Variants in SENP8 observed in about 807,000 individuals in gnomAD.
SENP8 encodes sentrin-specific protease 8.
Under a neutral mutation model 14.4 loss-of-function variants are expected in SENP8, and 10 were observed. The ratio of observed to expected loss-of-function variants is 0.69; its 90% CI spans 0.43 to 1.18. SENP8 has a LOEUF of 1.18. SENP8 is among the 50% of genes most tolerant of loss of function. The pLI, the probability that SENP8 is intolerant of heterozygous loss-of-function variation, is 0.00. For synonymous variants in SENP8, 94 were observed against 95.5 expected (o/e 0.98, Z 0.09); for missense variants, 202 against 249.4 (o/e 0.81, Z 1.28).
intron 1 of SENP8, among the ~76,000 whole-genome samples, chr15:72,122,732 G>A (rs1410563366): frequency 1.3e-5 from 2 of 152,184 alleles, no homozygotes; most frequent in Non-Finnish European, 2.9e-5. Flanking sequence ...CCTTTTGCGG[G>A]AGGAGGAGGA....
chr15:72,119,724 G>A (rs977798827), intron 1 of SENP8, among the ~76,000 whole-genome samples: 2 of 152,136 alleles, frequency 1.3e-5, no homozygotes, highest in Non-Finnish European at 2.9e-5. Context: ...CTCCAGCCTG[G>A]GTGACAGAGC....
At chr15:72,129,200 G>T (rs1243445639) in intron 1 of SENP8, among the ~76,000 whole-genome samples, 1 of 152,146 alleles carries the variant, frequency 6.6e-6, no homozygotes, top group Non-Finnish European at 1.5e-5. Flanking sequence ...AATATCCATT[G>T]TAAATTAGTA....
intron 1 of SENP8, chr15:72,139,181 T>G (rs2081356204): frequency 6.3e-6 from 1 of 158,724 alleles, no homozygotes; most frequent in Non-Finnish European, 1.4e-5. Context: ...ACCAATAACA[T>G]AGCCTTACCA....
upstream of SENP8, chr15:72,117,837 G>T: frequency 2.5e-6 from 1 of 398,630 alleles, no homozygotes; most frequent in East Asian, 3.6e-5. Flanking sequence ...CTCAGGGTCC[G>T]GGCGAGCGGC....
At chr15:72,125,402 T>A (rs1480488043) in intron 1 of SENP8, among the ~76,000 whole-genome samples, 2 of 152,206 alleles carry the variant, frequency 1.3e-5, no homozygotes, top group Admixed American at 1.3e-4. Flanking sequence ...TCTTTTCATG[T>A]GTTTATTGAC....
At chr15:72,121,757 A>G (rs1251504204) in intron 1 of SENP8, among the ~76,000 whole-genome samples, 1 of 152,174 alleles carries the variant, frequency 6.6e-6, no homozygotes, top group African/African-American at 2.4e-5. Flanking sequence ...AGAGTCTGCT[A>G]AATTCCTTTA....
chr15:72,117,048 G>A (rs1019562642), upstream of SENP8: 1 of 152,272 alleles, frequency 6.6e-6, no homozygotes, highest in Non-Finnish European at 1.5e-5. Context: ...CGCGACTAAG[G>A]AGAAAGATAA....
intron 1 of SENP8, among the ~76,000 whole-genome samples, chr15:72,128,094 G>T (rs1010693083): frequency 4.8e-4 from 72 of 150,070 alleles, no homozygotes; most frequent in African/African-American, 1.8e-3. Flanking sequence ...CGTTTTCAAA[G>T]AAAGAGAGAG....
chr15:72,126,474 A>C (rs570214232), intron 1 of SENP8, among the ~76,000 whole-genome samples: 180 of 151,820 alleles, frequency 1.2e-3, no homozygotes, highest in Non-Finnish European at 1.5e-3. Context: ...AACTACAAAA[A>C]ATTAGCCAGG....
chr15:72,118,796 G>T (rs937634931), intron 1 of SENP8, among the ~76,000 whole-genome samples: 3 of 152,186 alleles, frequency 2.0e-5, no homozygotes, highest in African/African-American at 7.2e-5. Context: ...CGCAGTGGTA[G>T]TACAATAAAG....
Position 72,124,407 on chromosome 15 carries a change from C to T in SENP8, c.-48+5943C>T, listed in dbSNP as rs189293476. On this transcript the variant is annotated intron_variant, in intron 1 of 1. Coordinates refer to ENST00000340912, the MANE Select transcript of SENP8 (RefSeq NM_145204.4). ...GCTTAGGCTTAGTTTTAAAAGGAAA[C>T]GTTTTAATTGGGGGGAAATTGAAAC... Among the ~76,000 whole-genome samples, 125 of 152,014 alleles carry T rather than the reference C, an allele frequency of 8.2e-4. 1 individual carries two copies. The highest frequency in any genetic ancestry group is 3.9e-4 in the East Asian group (2 of 5,178).
chr15:72,140,508 T>C lies in SENP8; in HGVS notation c.*246T>C. ...CACCAAAACCTTACAACCAACTTAT[T>C]TGAACATTTATTACACACAGGGTTT... is the stretch of plus-strand genomic sequence containing the variant. On this transcript the variant is annotated 3_prime_UTR_variant, in exon 2 of 2. Coordinates refer to ENST00000340912, the MANE Select transcript of SENP8 (RefSeq NM_145204.4). 1 of 492,254 alleles carries C rather than the reference T, an allele frequency of 2.0e-6. No homozygotes were observed. The highest frequency in any genetic ancestry group is 3.7e-6 in the Non-Finnish European group (1 of 268,790). The allele number at this position is 492,254 out of a possible 1,614,324, so 30.5% of individuals were successfully genotyped here.
intron 1 of SENP8, among the ~76,000 whole-genome samples, chr15:72,119,621 G>T (rs959231171): frequency 3.2e-4 from 48 of 152,260 alleles, no homozygotes; most frequent in African/African-American, 1.1e-3. Context: ...GGTAGCAGGC[G>T]CCTGTAGTCC....
intron 1 of SENP8, among the ~76,000 whole-genome samples, chr15:72,124,213 T>C (rs1465411959): frequency 1.3e-5 from 2 of 152,244 alleles, no homozygotes; most frequent in African/African-American, 4.8e-5. Context: ...AAGATATGTT[T>C]CACTTCTGTA....
intron 1 of SENP8, among the ~76,000 whole-genome samples, chr15:72,131,404 C>T (rs895957974): frequency 6.6e-6 from 1 of 152,150 alleles, no homozygotes; most frequent in African/African-American, 2.4e-5. Context: ...AATATTTTTT[C>T]TACTGAACCA....
chr15:72,135,026 C>A, intron 1 of SENP8: 1 of 335,798 alleles, frequency 3.0e-6, no homozygotes, highest in Admixed American at 3.7e-5. Context: ...CCTGAAGCAC[C>A]AGCCTGCTCC....
chr15:72,131,896 G>T (rs1373766102), intron 1 of SENP8, among the ~76,000 whole-genome samples: 1 of 152,034 alleles, frequency 6.6e-6, no homozygotes, highest in Non-Finnish European at 1.5e-5. Flanking sequence ...AAATCTTTGG[G>T]GTCCATTATT....
At chr15:72,118,114 C>T, upstream of SENP8, 1 of 386,512 alleles carries the variant, frequency 2.6e-6, no homozygotes, top group East Asian at 3.7e-5. Flanking sequence ...CCCCGCCCCG[C>T]GCGACTCCCC....
chr15:72,127,437 C>G (rs541395698), intron 1 of SENP8, among the ~76,000 whole-genome samples: 36 of 152,180 alleles, frequency 2.4e-4, no homozygotes, highest in African/African-American at 8.4e-4. Context: ...CCAGGCAGAG[C>G]TAGTACCACC....
Sources: allele counts gnomAD v4.1 joint callset (sites outside exome capture counted in the v4.1 genomes callset), GRCh38; gene constraint gnomAD v4.1.1; transcripts MANE v1.5; gene names NCBI Gene and HGNC (gene_info 2026-07-23, HGNC 2026-07-21).